Variants in MCC observed in about 807,000 individuals in gnomAD.
The protein encoded by MCC is colorectal mutant cancer protein.
Under a neutral mutation model 116.2 loss-of-function variants are expected in MCC, and 90 were observed. The observed-to-expected ratio is 0.77, with a 90% CI of 0.65 to 0.92. The LOEUF (loss-of-function observed/expected upper bound fraction) is 0.92. Ranked by LOEUF, MCC falls within the 40% of genes least tolerant of loss-of-function variation. MCC has a pLI of 0.00. For synonymous variants in MCC, 578 were observed against 510.5 expected (o/e 1.13, Z -1.78); for missense variants, 1,516 against 1,312.2 (o/e 1.16, Z -2.40).
chr5:113,189,667 A>C (rs1762061284), intron 3 of MCC, among the ~76,000 whole-genome samples: 1 of 152,216 alleles, frequency 6.6e-6, no homozygotes, highest in South Asian at 2.1e-4. Context: ...TAAAAACAGA[A>C]GTAAATCACT....
chr5:113,223,474 TTAGA>T (rs1305611603), intron 3 of MCC, among the ~76,000 whole-genome samples: 2 of 152,156 alleles, frequency 1.3e-5, no homozygotes, highest in Non-Finnish European at 2.9e-5. Flanking sequence ...GAAACTGCTA[TTAGA>T]TAACATCACT....
rs1248837150 is a variant in MCC, at chr5:113,340,526, G to A, written c.620C>T (p.Ala207Val). Residue 207 changes from alanine (A) to valine (V), a missense_variant, in exon 3 of 19, where the codon GCC becomes GTC. Physicochemically the swap from Ala to Val is moderately conservative, Grantham distance 64. Transcript: ENST00000408903. Reference sequence around the variant, plus strand: ...GAACCAAAAAGTACTCACTGTGTTGGCCAGCTCTAGATAGCTTCCTCCTAC... The same window carrying A: ...GAACCAAAAAGTACTCACTGTGTTGACCAGCTCTAGATAGCTTCCTCCTAC... ...NSVGGSYLEL[A>V]NTLHSAALAS... 1 of 1,613,882 alleles carries A rather than the reference G, an allele frequency of 6.2e-7. No individual in the cohort carries two copies. The highest frequency in any genetic ancestry group is 1.3e-5 in the African/African-American group (1 of 74,916).
At chr5:113,425,525 T>C (rs909280580) in intron 1 of MCC, among the ~76,000 whole-genome samples, 4 of 152,172 alleles carry the variant, frequency 2.6e-5, no homozygotes, top group South Asian at 2.1e-4. Flanking sequence ...AGTGAGACTA[T>C]TGATCTAATC....
chr5:113,481,274 G>A (rs1271017407), intron 1 of MCC, among the ~76,000 whole-genome samples: 1 of 152,068 alleles, frequency 6.6e-6, no homozygotes, highest in African/African-American at 2.4e-5. Context: ...AATTCTAAGT[G>A]GTAAGAATTA....
chr5:113,357,488 G>T (rs562519935), intron 2 of MCC, among the ~76,000 whole-genome samples: 1 of 152,256 alleles, frequency 6.6e-6, no homozygotes, highest in East Asian at 1.9e-4. Context: ...TGACCATCAG[G>T]TGATGGTCAG....
intron 1 of MCC, among the ~76,000 whole-genome samples, chr5:113,400,797 G>A (rs1054666839): frequency 1.3e-4 from 20 of 152,176 alleles, no homozygotes; most frequent in African/African-American, 4.8e-4. Context: ...ATGAATGAAT[G>A]AACAAAGAGC....
intron 3 of MCC, among the ~76,000 whole-genome samples, chr5:113,168,165 G>A (rs1477531338): frequency 6.6e-6 from 1 of 152,076 alleles, no homozygotes. Context: ...TACCTAGTGC[G>A]ATACTAAACC....
chr5:113,293,171 G>C (rs543980222), intron 3 of MCC, among the ~76,000 whole-genome samples: 1 of 151,902 alleles, frequency 6.6e-6, no homozygotes, highest in East Asian at 1.9e-4. Flanking sequence ...CCAGCCCGAC[G>C]GCAGACCTCC....
chr5:113,361,669 T>G (rs1768551496), intron 2 of MCC, among the ~76,000 whole-genome samples: 1 of 152,214 alleles, frequency 6.6e-6, no homozygotes, highest in Non-Finnish European at 1.5e-5. Context: ...CAGAAGAGAT[T>G]GGCATTTGAA....
At chr5:113,207,983 C>A (rs1004050095) in intron 3 of MCC, among the ~76,000 whole-genome samples, 10 of 152,046 alleles carry the variant, frequency 6.6e-5, no homozygotes, top group Non-Finnish European at 1.2e-4. Context: ...GGGAAATTAT[C>A]CAGCTAAATG....
At chr5:113,452,427 C>T (rs1023394788) in intron 1 of MCC, among the ~76,000 whole-genome samples, 1 of 152,142 alleles carries the variant, frequency 6.6e-6, no homozygotes, top group South Asian at 2.1e-4. Context: ...AGAGCTCTCA[C>T]AAATGGGATT....
At chr5:113,396,368 A>G (rs1255497132) in intron 1 of MCC, among the ~76,000 whole-genome samples, 1 of 152,086 alleles carries the variant, frequency 6.6e-6, no homozygotes, top group Non-Finnish European at 1.5e-5. Context: ...ACAGTGGCTC[A>G]TGCCTATAAT....
intron 1 of MCC, among the ~76,000 whole-genome samples, chr5:113,422,701 T>C (rs555426853): frequency 5.3e-5 from 8 of 152,212 alleles, no homozygotes; most frequent in African/African-American, 1.9e-4. Context: ...CCAGTGGAGA[T>C]GCAAAAGGAT....
At chr5:113,129,900 C>A (rs6594688) in intron 5 of MCC, among the ~76,000 whole-genome samples, 1 of 152,168 alleles carries the variant, frequency 6.6e-6, no homozygotes, top group Non-Finnish European at 1.5e-5. Flanking sequence ...GTCTAAATTA[C>A]TTCAACCATT....
chr5:113,105,989 A>C (rs1414657110), intron 6 of MCC, among the ~76,000 whole-genome samples: 1 of 152,152 alleles, frequency 6.6e-6, no homozygotes, highest in African/African-American at 2.4e-5. Flanking sequence ...GACCAATTAA[A>C]TCACAATCTC....
intron 2 of MCC, among the ~76,000 whole-genome samples, chr5:113,382,792 TTAAA>T (rs1769155788): frequency 6.6e-6 from 1 of 151,776 alleles, no homozygotes; most frequent in Non-Finnish European, 1.5e-5. Context: ...CACAGAGAGG[TTAAA>T]TAATTTGTCT....
At chr5:113,286,169 G>A (rs1464363523) in intron 3 of MCC, among the ~76,000 whole-genome samples, 1 of 152,184 alleles carries the variant, frequency 6.6e-6, no homozygotes, top group Non-Finnish European at 1.5e-5. Flanking sequence ...TCTGAACACA[G>A]ATAAGGGAAG....
intron 11 of MCC, among the ~76,000 whole-genome samples, chr5:113,076,909 C>T (rs1329277465): frequency 3.3e-5 from 5 of 152,128 alleles, no homozygotes; most frequent in Non-Finnish European, 7.3e-5. Flanking sequence ...ATTCAAGAAA[C>T]CCATCTCACG....
chr5:113,455,499 C>T (rs1366069390), intron 1 of MCC, among the ~76,000 whole-genome samples: 1 of 152,180 alleles, frequency 6.6e-6, no homozygotes, highest in Non-Finnish European at 1.5e-5. Context: ...ATCTGATAGG[C>T]ATTTGCAAGA....
Sources: gnomAD v4.1 joint callset for allele counts (sites outside exome capture counted in the v4.1 genomes callset) on GRCh38, gnomAD v4.1.1 for gene constraint, MANE v1.5 for transcripts, NCBI Gene and HGNC (gene_info 2026-07-23, HGNC 2026-07-21) for gene names.